Variants in PXDNL observed in about 807,000 individuals in gnomAD.
PXDNL encodes the protein probable oxidoreductase PXDNL.
In PXDNL, 145 loss-of-function variants were observed where a neutral mutation model predicts 150.8. The ratio of observed to expected loss-of-function variants is 0.96; its 90% confidence interval spans 0.84 to 1.10. The LOEUF (loss-of-function observed/expected upper bound fraction) is 1.10. Ranked by LOEUF, PXDNL falls within the 50% of genes least tolerant of loss-of-function variation. The pLI, the probability that PXDNL is intolerant of heterozygous loss-of-function variation, is 0.00. For synonymous variants in PXDNL, 757 were observed against 725.7 expected (o/e 1.04, Z -0.69); for missense variants, 2,087 against 1,873.9 (o/e 1.11, Z -2.10).
chr8:51,800,871 G>A (rs1421599846), intron 1 of PXDNL, among the ~76,000 whole-genome samples: 2 of 152,094 alleles, frequency 1.3e-5, no homozygotes, highest in African/African-American at 2.4e-5. Flanking sequence ...ATTGATTATA[G>A]AACATGTGTT....
intron 21 of PXDNL, among the ~76,000 whole-genome samples, chr8:51,336,349 A>C (rs1386657084): frequency 6.6e-6 from 1 of 152,264 alleles, no homozygotes; most frequent in East Asian, 1.9e-4. Flanking sequence ...TAGAAAAACC[A>C]CAAAGTGGCA....
intron 1 of PXDNL, among the ~76,000 whole-genome samples, chr8:51,805,839 A>C (rs2037669716): frequency 6.6e-6 from 1 of 152,186 alleles, no homozygotes; most frequent in African/African-American, 2.4e-5. Context: ...TAACTAAGGA[A>C]ATTAGGAAAG....
In PXDNL at chr8:51,319,866, G is replaced by A; in HGVS notation, c.*25C>T. ...TCTCTTCCTGAGAAATTTCCCATTT[G>A]GGGCTCAACAGCACAAAACTTTTAT... On this transcript the variant is annotated 3_prime_UTR_variant, in exon 23 of 23. Transcript: ENST00000356297. 6.9e-7 allele frequency: 1 copy of A among 1,455,474 alleles called. No homozygotes were observed. The highest frequency in any genetic ancestry group is 9.1e-7 in the Non-Finnish European group (1 of 1,098,598). 90.2% of individuals were successfully genotyped at this position (1,455,474 alleles called of 1,614,324 possible).
chr8:51,351,151 A>G (rs747527375), intron 19 of PXDNL, among the ~76,000 whole-genome samples: 1 of 152,236 alleles, frequency 6.6e-6, no homozygotes, highest in Non-Finnish European at 1.5e-5. Context: ...GGTTACTACA[A>G]ATGCAATGGC....
intron 19 of PXDNL, among the ~76,000 whole-genome samples, chr8:51,358,458 G>T (rs1586031071): frequency 6.6e-6 from 1 of 152,114 alleles, no homozygotes. Flanking sequence ...TACATTCCTG[G>T]CCCCCATAAT....
intron 1 of PXDNL, among the ~76,000 whole-genome samples, chr8:51,765,970 C>T (rs1043736832): frequency 1.4e-4 from 21 of 151,756 alleles, no homozygotes; most frequent in African/African-American, 1.2e-4. Flanking sequence ...CAGCCTCCCA[C>T]GTAGCTGGCA....
chr8:51,634,734 T>C (rs764458841), intron 2 of PXDNL, among the ~76,000 whole-genome samples: 24 of 151,072 alleles, frequency 1.6e-4, no homozygotes, highest in Non-Finnish European at 2.8e-4. Context: ...TATTTTTTTG[T>C]GGCTATTGAA....
At position 51,592,179 on chromosome 8, in the gene PXDNL, G is replaced by C. The variant is rs559269464; in HGVS notation, c.308+448C>G. Among the ~76,000 whole-genome samples, 15 of 152,214 alleles carry C rather than the reference G, an allele frequency of 9.9e-5. No individual in the cohort carries two copies. In the South Asian group the frequency reaches 3.1e-3, roughly 32 times the overall value. ...TTGTGACCTAATTTTTCAGAAATTT[G>C]GTCCTTACCCAAGTTTATTAAAGTT... On this transcript the variant is annotated intron_variant, in intron 3 of 22. Transcript: ENST00000356297.
At chr8:51,726,645 T>G (rs1816822533) in intron 1 of PXDNL, among the ~76,000 whole-genome samples, 1 of 152,218 alleles carries the variant, frequency 6.6e-6, no homozygotes, top group African/African-American at 2.4e-5. Flanking sequence ...TCCTAGAATG[T>G]TCAACGTTAC....
At chr8:51,602,165 T>C (rs2130686428) in intron 2 of PXDNL, among the ~76,000 whole-genome samples, 1 of 152,090 alleles carries the variant, frequency 6.6e-6, no homozygotes, top group African/African-American at 2.4e-5. Context: ...CTTGGTGATG[T>C]TTGTTTTGTG....
rs1395546813 is a variant in PXDNL, at chr8:51,544,396, A to G, written c.380+12444T>C. Among the ~76,000 whole-genome samples, 5 of 152,172 alleles carry G rather than the reference A, an allele frequency of 3.3e-5. No homozygotes were observed. In the South Asian group the frequency reaches 8.3e-4, roughly 25 times the overall value. On this transcript the variant is annotated intron_variant, in intron 4 of 22. Coordinates refer to ENST00000356297, the MANE Select transcript of PXDNL (RefSeq NM_144651.5). Reference sequence around the variant, plus strand: ...TCTTACAAGATGATTACTCCTCCCTATGCTATCTTCTGCACTGACACAATC... The same window carrying G: ...TCTTACAAGATGATTACTCCTCCCTGTGCTATCTTCTGCACTGACACAATC...
At chr8:51,561,059 T>A (rs143389760) in intron 3 of PXDNL, among the ~76,000 whole-genome samples, 1 of 151,994 alleles carries the variant, frequency 6.6e-6, no homozygotes, top group East Asian at 1.9e-4. Context: ...AAAACCACAA[T>A]GAGCTATCAC....
Position 51,319,906 on chromosome 8 carries a change from G to C in PXDNL, c.4377C>G (p.Ser1459=). ...VCRDRGMPSD[S]PEKR ...AAAACTTTTATTAGCGCTTCTCTGG[G>C]GAATCACTTGGCATTCCTCGGTCTC... Residue 1459 remains serine, a synonymous_variant, in exon 23 of 23, where the codon TCC becomes TCG. Coordinates refer to ENST00000356297, the MANE Select transcript of PXDNL (RefSeq NM_144651.5). The C allele has an allele frequency of 6.5e-7, 1 of 1,542,164 alleles. No individual in the cohort carries two copies. Among genetic ancestry groups the C allele is most frequent in the Non-Finnish European group, 8.7e-7 (1 of 1,147,406 alleles).
rs112306028 is a variant in PXDNL at position 51,435,891 on chromosome 8, C to T, written c.1526-9133G>A. The T allele has an allele frequency of 5.5e-3, 2,567 of 467,350 alleles. 49 individuals carry two copies. Among genetic ancestry groups the T allele is most frequent in the African/African-American group, 0.047 (2,350 of 49,544 alleles). 29.0% of individuals were successfully genotyped at this position (467,350 alleles called of 1,614,324 possible). On this transcript the variant is annotated intron_variant, in intron 12 of 22. Coordinates refer to ENST00000356297, the MANE Select transcript of PXDNL (RefSeq NM_144651.5). Reference sequence around the variant, plus strand: ...TTCTAAAGCAGATACTAAAATGGATCGTAAGCATAAATAATTTGAGATTAG... The same window carrying T: ...TTCTAAAGCAGATACTAAAATGGATTGTAAGCATAAATAATTTGAGATTAG...
chr8:51,345,514 T>G (rs1425866676), intron 20 of PXDNL, among the ~76,000 whole-genome samples: 2 of 152,208 alleles, frequency 1.3e-5, no homozygotes. Context: ...ATATGCTGTT[T>G]CATATTTTCA....
intron 4 of PXDNL, among the ~76,000 whole-genome samples, chr8:51,556,354 T>A (rs548107596): frequency 6.6e-6 from 1 of 152,268 alleles, no homozygotes; most frequent in Non-Finnish European, 1.5e-5. Flanking sequence ...TTTTATTATC[T>A]GTAAAATGAG....
In PXDNL at chr8:51,507,545, T is replaced by C. The variant is rs555785857; in HGVS notation, c.381-7775A>G. Among the ~76,000 whole-genome samples the C allele has an allele frequency of 3.0e-4, 45 of 152,292 alleles. 1 individual carries two copies. Among genetic ancestry groups the C allele is most frequent in the Admixed American group, 2.9e-3 (44 of 15,298 alleles). On this transcript the variant is annotated intron_variant, in intron 4 of 22. Coordinates refer to ENST00000356297, the MANE Select transcript of PXDNL (RefSeq NM_144651.5). ...TTTACCTTAAAGATATAAGGACACA[T>C]GACAAGATTCAAAGAAATGAAATTT...
intron 3 of PXDNL, among the ~76,000 whole-genome samples, chr8:51,577,932 AAAGAAAG>A (rs1408071486): frequency 2.5e-5 from 1 of 40,368 alleles, no homozygotes; most frequent in African/African-American, 8.4e-5. Context: ...GAAAAGAAAG[AAAGAAAG>A]AAAGAAAGAA....
chr8:51,432,558 C>A (rs1486157151), intron 12 of PXDNL, among the ~76,000 whole-genome samples: 1 of 152,128 alleles, frequency 6.6e-6, no homozygotes, highest in African/African-American at 2.4e-5. Context: ...TTTTATTTTT[C>A]TTCTACACAA....
Sources: allele counts gnomAD v4.1 joint callset (sites outside exome capture counted in the v4.1 genomes callset), GRCh38; gene constraint gnomAD v4.1.1; transcripts MANE v1.5; gene names NCBI Gene and HGNC (gene_info 2026-07-23, HGNC 2026-07-21).